The following GLG1 variants were observed in gnomAD, a reference collection of about 807,000 sequenced individuals.
GLG1 encodes the protein Golgi apparatus protein 1.
GLG1 carries 38 observed loss-of-function variants against 160.5 expected under a neutral mutation model. That is an observed-to-expected ratio of 0.24 (90% CI 0.18 to 0.31). The LOEUF (loss-of-function observed/expected upper bound fraction) is 0.31, where lower values mean the gene tolerates loss of function less well. Among genes scored for constraint, GLG1 ranks in the 10% least tolerant of loss-of-function variants. GLG1 has a pLI of 1.00. For synonymous variants in GLG1, 644 were observed against 543.4 expected, an observed-to-expected ratio of 1.19 and a Z score of -2.57; for missense variants, 1,373 against 1,505.2, an observed-to-expected ratio of 0.91 and a Z score of 1.45.
chr16:74,589,742 A>G (rs969586024), intron 1 of GLG1, among the ~76,000 whole-genome samples: 9 of 152,122 alleles, frequency 5.9e-5, no homozygotes, highest in Non-Finnish European at 1.2e-4. Flanking sequence ...CCTATTTCAC[A>G]TATACTCTCA....
intron 1 of GLG1, among the ~76,000 whole-genome samples, chr16:74,547,220 C>T (rs2018073001): frequency 6.6e-6 from 1 of 150,972 alleles, no homozygotes; most frequent in Non-Finnish European, 1.5e-5. Context: ...TGTAAATCAC[C>T]TCATCGATCT....
intron 4 of GLG1, among the ~76,000 whole-genome samples, chr16:74,502,240 T>C (rs1415370200): frequency 6.6e-6 from 1 of 152,218 alleles, no homozygotes; most frequent in South Asian, 2.1e-4. Flanking sequence ...CCATTACTTT[T>C]CAGGAGTTTT....
At chr16:74,482,418 T>G (rs1597250196) in intron 10 of GLG1, among the ~76,000 whole-genome samples, 1 of 151,878 alleles carries the variant, frequency 6.6e-6, no homozygotes, top group Non-Finnish European at 1.5e-5. Flanking sequence ...GCTTTGGAGG[T>G]GGGGAGAGAA....
intron 1 of GLG1, among the ~76,000 whole-genome samples, chr16:74,557,816 G>T (rs917194636): frequency 6.6e-6 from 1 of 151,818 alleles, no homozygotes; most frequent in Non-Finnish European, 1.5e-5. Flanking sequence ...CAACTCCTGG[G>T]TTCAAGTAAT....
intron 3 of GLG1, among the ~76,000 whole-genome samples, chr16:74,505,541 G>A (rs539127106): frequency 1.3e-5 from 2 of 152,208 alleles, no homozygotes; most frequent in East Asian, 1.9e-4. Context: ...CCAACATGGC[G>A]AAACCCCATC....
At chr16:74,509,966 T>C (rs142234404) in intron 2 of GLG1, among the ~76,000 whole-genome samples, 2,650 of 148,910 alleles carry the variant, frequency 0.018, 34 homozygotes, top group Non-Finnish European at 0.024. Context: ...GGATTACAAG[T>C]GCGAGCCAGC....
intron 11 of GLG1, 118 bp from the exon 12 acceptor site, chr16:74,477,651 T>A: frequency 2.8e-6 from 2 of 714,032 alleles, no homozygotes; most frequent in Non-Finnish European, 4.6e-6. Flanking sequence ...CTCCCAAATT[T>A]TATACCTCAA....
At chr16:74,468,226 C>CTTTTTTTTTTTTTTTTTTTTTTTTTTTT (rs201829157) in intron 17 of GLG1, 1 of 83,312 alleles carries the variant, frequency 1.2e-5, no homozygotes, top group African/African-American at 5.2e-5. Flanking sequence ...CTTGAAATGT[C>CTTTTTTTTTTTTTTTTTTTTTTTTTTTT]TTTTTTTTTT....
chr16:74,602,269 T>TA (rs1958455016), intron 1 of GLG1, among the ~76,000 whole-genome samples: 1 of 152,196 alleles, frequency 6.6e-6, no homozygotes, highest in Non-Finnish European at 1.5e-5. Context: ...CTGAGACTGA[T>TA]ATATCAAGAA....
intron 1 of GLG1, among the ~76,000 whole-genome samples, chr16:74,565,959 T>G (rs1465416374): frequency 2.6e-5 from 4 of 152,230 alleles, no homozygotes; most frequent in Non-Finnish European, 4.4e-5. Flanking sequence ...CTCCTTGTTC[T>G]GATGATCTTG....
intron 23 of GLG1, among the ~76,000 whole-genome samples, chr16:74,458,480 G>A (rs1265908577): frequency 1.3e-5 from 2 of 151,974 alleles, no homozygotes; most frequent in African/African-American, 4.8e-5. Flanking sequence ...AGACCCGTGT[G>A]GGTAACACAG....
Position 74,469,765 on chromosome 16 carries a change from T to C in GLG1, c.2318+220A>G, listed in dbSNP as rs1029796986. 1.3e-5 allele frequency: 7 copies of C among 548,788 alleles called. No individual in the cohort carries two copies. In the East Asian group the frequency reaches 2.1e-4, roughly 17 times the overall value. The allele number at this position is 548,788 out of a possible 1,614,324, so 34.0% of individuals were successfully genotyped here. ...TGGCCTGACCTGGAAAAATTAAAAA[T>C]GCTCCTTTAGCCTATGGGACCTCCA... On this transcript the variant is annotated intron_variant, in intron 16 of 25. Transcript: ENST00000422840.
chr16:74,603,853 T>C (rs1046657655), intron 1 of GLG1, among the ~76,000 whole-genome samples: 12 of 152,096 alleles, frequency 7.9e-5, no homozygotes, highest in Non-Finnish European at 1.5e-4. Flanking sequence ...TTTAAATAAC[T>C]TGAACTACTA....
At chr16:74,553,467 CG>C (rs1224124931) in intron 1 of GLG1, among the ~76,000 whole-genome samples, 31 of 123,458 alleles carry the variant, frequency 2.5e-4, no homozygotes, top group Non-Finnish European at 3.6e-4. Context: ...GGTTTTGTTT[CG>C]GTTTTTTTTT....
intron 2 of GLG1, among the ~76,000 whole-genome samples, chr16:74,513,485 G>A (rs2016878898): frequency 6.6e-6 from 1 of 152,136 alleles, no homozygotes. Flanking sequence ...AGCCTCCGCT[G>A]GTGATACCCA....
At position 74,491,205 on chromosome 16, in the gene GLG1, G is replaced by C. The variant is rs1387069376; in HGVS notation, c.1245C>G (p.Val415=). ...GCATCTCCCCCTGGCACTCACTGCT[G>C]ACTTGTCGCCCTAAGTTAGGATGTA... ...LESAVHRGRQ[V]SSECQGEMLD... Residue 415 remains valine (V), a synonymous_variant, in exon 8 of 26, where the codon GTC becomes GTG. Coordinates refer to ENST00000422840, the MANE Select transcript of GLG1 (RefSeq NM_001145667.2). The C allele has an allele frequency of 6.2e-7, 1 of 1,613,116 alleles. No individual in the cohort carries two copies. The highest frequency in any genetic ancestry group is 8.5e-7 in the Non-Finnish European group (1 of 1,179,116).
chr16:74,535,292 A>G (rs1955784329), intron 1 of GLG1, among the ~76,000 whole-genome samples: 1 of 152,282 alleles, frequency 6.6e-6, no homozygotes, highest in South Asian at 2.1e-4. Flanking sequence ...TGGAAAGCAC[A>G]GAGCACTACT....
chr16:74,457,962 T>C lies in GLG1; in HGVS notation c.3177A>G (p.Ala1059=). The change falls in exon 24 of 26, where the codon GCA becomes GCG. Residue 1059 remains alanine (A), a synonymous_variant. Transcript: ENST00000422840. ...EVLNMLKESK[A]DIFVDPVLHT... ...GAAGTACCGGGTCAACAAAGATGTC[T>C]GCTTTGCTTTCCTTCAGCATGTTTA... The C allele has an allele frequency of 6.2e-7, 1 of 1,613,772 alleles. No homozygotes were observed. The highest frequency in any genetic ancestry group is 1.1e-5 in the South Asian group (1 of 91,078).
At chr16:74,466,620 A>C (rs917853508) in intron 18 of GLG1, among the ~76,000 whole-genome samples, 2 of 152,228 alleles carry the variant, frequency 1.3e-5, no homozygotes, top group African/African-American at 4.8e-5. Flanking sequence ...GTAATAGAGC[A>C]ATCAAAACAG....
Sources: gnomAD v4.1 joint callset for allele counts (sites outside exome capture counted in the v4.1 genomes callset) on GRCh38, gnomAD v4.1.1 for gene constraint, MANE v1.5 for transcripts, NCBI Gene and HGNC (gene_info 2026-07-23, HGNC 2026-07-21) for gene names.